EXOSC7: variants seen among roughly 807,000 people sequenced by gnomAD.
EXOSC7 encodes the protein exosome complex component RRP42.
EXOSC7 carries 25 observed loss-of-function variants against 34.3 expected under a neutral mutation model. That is an observed-to-expected ratio of 0.73 (90% CI 0.53 to 1.02). The LOEUF (loss-of-function observed/expected upper bound fraction) is 1.02. Among genes scored for constraint, EXOSC7 ranks in the 50% least tolerant of loss-of-function variants. The pLI is 0.00. For missense variants in EXOSC7, 370 were observed against 368.5 expected (o/e 1.00, Z -0.03); for synonymous variants, 130 against 143.0 (o/e 0.91, Z 0.65).
chr3:44,980,225 T>C lies in EXOSC7; in HGVS notation c.57+3891T>C, dbSNP rs186001748. Among the ~76,000 whole-genome samples the C allele has an allele frequency of 2.0e-5, 3 of 152,182 alleles. No homozygotes were observed. The East Asian group carries it at 5.8e-4, about 29-fold the overall frequency. ...CAACCAGAAGCCAGCAAAGGGAGTC[T>C]AGGTGATACAATTTGAGTCAACCTG... On this transcript the variant is annotated intron_variant, in intron 1 of 7. Transcript: ENST00000265564.
At chr3:45,010,737 G>C (rs1474985865) in intron 7 of EXOSC7, among the ~76,000 whole-genome samples, 1 of 152,150 alleles carries the variant, frequency 6.6e-6, no homozygotes, top group Non-Finnish European at 1.5e-5. Flanking sequence ...ACTGACTTTG[G>C]TCACACCTGA....
At chr3:44,981,626 A>G (rs369732825) in intron 1 of EXOSC7, among the ~76,000 whole-genome samples, 4 of 152,162 alleles carry the variant, frequency 2.6e-5, no homozygotes, top group African/African-American at 9.7e-5. Context: ...TTATCTCAAG[A>G]AAAGGGATAG....
chr3:45,003,364 TG>T (rs1706940684), intron 5 of EXOSC7, among the ~76,000 whole-genome samples: 1 of 140,522 alleles, frequency 7.1e-6, no homozygotes, highest in African/African-American at 2.8e-5. Flanking sequence ...TGTGTGTGTA[TG>T]TGTGTGTGTA....
chr3:45,000,512 A>T (rs1706845058), intron 4 of EXOSC7, among the ~76,000 whole-genome samples: 1 of 152,230 alleles, frequency 6.6e-6, no homozygotes, highest in Non-Finnish European at 1.5e-5. Flanking sequence ...GGACAGAAGG[A>T]TATGCCACCT....
chr3:45,009,635 G>A (rs1012998556), intron 7 of EXOSC7, among the ~76,000 whole-genome samples: 39 of 151,178 alleles, frequency 2.6e-4, no homozygotes, highest in Admixed American at 2.5e-3. Flanking sequence ...TGCAACCTCC[G>A]CCTCCCTGGT....
chr3:45,010,599 C>T (rs1449701798), intron 7 of EXOSC7, among the ~76,000 whole-genome samples: 1 of 151,988 alleles, frequency 6.6e-6, no homozygotes, highest in African/African-American at 2.4e-5. Context: ...TTTTTTACCT[C>T]TCGTGTCTGC....
intron 1 of EXOSC7, among the ~76,000 whole-genome samples, chr3:44,984,447 A>G (rs1437555490): frequency 6.6e-6 from 1 of 151,894 alleles, no homozygotes. Context: ...AGCCTGGGTG[A>G]CAGAGTGAGA....
At chr3:44,980,856 G>T (rs1001701930) in intron 1 of EXOSC7, among the ~76,000 whole-genome samples, 3 of 152,124 alleles carry the variant, frequency 2.0e-5, no homozygotes, top group Non-Finnish European at 4.4e-5. Context: ...GCATTTCTTT[G>T]TATAGCTTTT....
chr3:44,983,865 TA>T (rs5848721), intron 1 of EXOSC7, among the ~76,000 whole-genome samples: 5 of 150,494 alleles, frequency 3.3e-5, no homozygotes, highest in Non-Finnish European at 4.4e-5. Flanking sequence ...AAACTGGGTT[TA>T]AAAAAAAAAG....
intron 4 of EXOSC7, among the ~76,000 whole-genome samples, chr3:44,998,096 C>T (rs1180527630): frequency 2.1e-5 from 3 of 145,796 alleles, no homozygotes; most frequent in South Asian, 4.3e-4. Context: ...AGTGCAATGG[C>T]GTGATCTTGG....
intron 1 of EXOSC7, among the ~76,000 whole-genome samples, chr3:44,987,925 C>T (rs1706466767): frequency 6.6e-6 from 1 of 152,292 alleles, no homozygotes; most frequent in Non-Finnish European, 1.5e-5. Flanking sequence ...AGTATGAACT[C>T]TTGGCTTTTT....
chr3:44,997,260 T>A lies in EXOSC7; in HGVS notation c.420+8T>A, dbSNP rs1182635204. On this transcript the variant is annotated splice_region_variant and intron_variant, in intron 4 of 7. Transcript: ENST00000265564. ...CTCTATGTGGATGTGCTGGTGAGTA[T>A]CATCGTGCTGTACTGGCCACATTCT... 1 of 1,613,324 alleles carries A rather than the reference T, an allele frequency of 6.2e-7. No homozygotes were observed. The highest frequency in any genetic ancestry group is 1.3e-5 in the African/African-American group (1 of 74,890).
Position 45,002,864 on chromosome 3 carries a change from C to T in EXOSC7, c.491+1256C>T, listed in dbSNP as rs185022812. ...ATGTGAGCCTGGCACTCTTGGCCAC[C>T]GTGGGAGCTTGCGTGCCAGATCCCA... On this transcript the variant is annotated intron_variant, in intron 5 of 7. Coordinates refer to ENST00000265564, the MANE Select transcript of EXOSC7 (RefSeq NM_015004.4). Among the ~76,000 whole-genome samples, 35 of 152,288 alleles carry T rather than the reference C, an allele frequency of 2.3e-4. No individual in the cohort carries two copies. In the East Asian group the frequency reaches 4.6e-3, roughly 20 times the overall value.
At chr3:44,992,369 A>T (rs1008184904) in intron 3 of EXOSC7, among the ~76,000 whole-genome samples, 1 of 152,132 alleles carries the variant, frequency 6.6e-6, no homozygotes, top group Non-Finnish European at 1.5e-5. Flanking sequence ...TTAAATTGCC[A>T]GGGGTAGAGA....
At position 45,005,373 on chromosome 3, in the gene EXOSC7, C is replaced by G. The variant is rs752544407; in HGVS notation, c.574C>G (p.Leu192Val). The change falls in exon 6 of 8, where the codon CTA becomes GTA. Residue 192 changes from leucine (L) to valine (V), a missense_variant. Leu to Val is a conservative substitution (Grantham distance 32, BLOSUM62 1). This residue lies in a region of EXOSC7 where 255 missense variants were observed against 246.4 expected (regional missense o/e 1.03). Transcript: ENST00000265564. Reference sequence around the variant, plus strand: ...AGATGACCCTTATGACTGCATACGACTAAGTGTGGAGAATGTCCCCTGCAT... The same window carrying G: ...AGATGACCCTTATGACTGCATACGAGTAAGTGTGGAGAATGTCCCCTGCAT... ...LSDDPYDCIRLSVENVPCIVT... is the reference protein window; with the variant it reads ...LSDDPYDCIRVSVENVPCIVT... 3 of 1,613,988 alleles carry G rather than the reference C, an allele frequency of 1.9e-6. No individual in the cohort carries two copies. Among genetic ancestry groups the G allele is most frequent in the Non-Finnish European group, 2.5e-6 (3 of 1,179,966 alleles).
At position 44,989,008 on chromosome 3, in the gene EXOSC7, G is replaced by T. The variant is rs558855237; in HGVS notation, c.58-132G>T. Reference sequence around the variant, plus strand: ...AATGTTGTTGTTAGCTACAAGGACAGAATTTTAGATGATCCACTAAGAGGA... The same window carrying T: ...AATGTTGTTGTTAGCTACAAGGACATAATTTTAGATGATCCACTAAGAGGA... On this transcript the variant is annotated intron_variant, in intron 1 of 7. Coordinates refer to ENST00000265564, the MANE Select transcript of EXOSC7 (RefSeq NM_015004.4). 17 of 616,490 alleles carry T rather than the reference G, an allele frequency of 2.8e-5. No individual in the cohort carries two copies. The African/African-American group carries it at 2.9e-4, about 11-fold the overall frequency. 38.2% of individuals were successfully genotyped at this position (616,490 alleles called of 1,614,324 possible).
At chr3:44,994,261 A>AG (rs1706654765) in intron 3 of EXOSC7, among the ~76,000 whole-genome samples, 1 of 91,366 alleles carries the variant, frequency 1.1e-5, no homozygotes. Context: ...AAAAAAAAAA[A>AG]AGATAAGGTC....
At chr3:45,003,642 C>T (rs1208756243) in intron 5 of EXOSC7, among the ~76,000 whole-genome samples, 1 of 152,096 alleles carries the variant, frequency 6.6e-6, no homozygotes, top group Non-Finnish European at 1.5e-5. Context: ...TTCCTGGCTC[C>T]TCCAACCCAG....
rs1473027174 is a variant in EXOSC7 at position 44,987,266 on chromosome 3, CA to C, written c.58-1873del. Among the ~76,000 whole-genome samples the C allele has an allele frequency of 5.3e-5, 8 of 152,296 alleles. No homozygotes were observed. In the East Asian group the frequency reaches 1.5e-3, roughly 29 times the overall value. ...TGGGAAGAAAGGGGCATGAAAATAG[CA>C]TAATACGGAGGAGAGTGACATTTCT... On this transcript the variant is annotated intron_variant, in intron 1 of 7. Coordinates refer to ENST00000265564, the MANE Select transcript of EXOSC7 (RefSeq NM_015004.4).
Sources: allele counts gnomAD v4.1 joint callset (sites outside exome capture counted in the v4.1 genomes callset), GRCh38; gene constraint gnomAD v4.1.1; regional missense constraint gnomAD v4.1.1; transcripts MANE v1.5; gene names NCBI Gene and HGNC (gene_info 2026-07-23, HGNC 2026-07-21).